The following PRRC2B variants were observed in gnomAD, a reference collection of about 807,000 sequenced individuals.
PRRC2B encodes the protein protein PRRC2B.
PRRC2B carries 68 observed loss-of-function variants against 242.3 expected under a neutral mutation model. The observed-to-expected ratio is 0.28, with a 90% CI of 0.23 to 0.34. The LOEUF is 0.34. Ranked by LOEUF, PRRC2B falls within the 10% of genes least tolerant of loss-of-function variation. PRRC2B has a pLI of 1.00. For synonymous variants in PRRC2B, 1,228 were observed against 1,173.6 expected (o/e 1.05, Z -0.95); for missense variants, 2,835 against 2,954.8 (o/e 0.96, Z 0.94).
rs112509193 is a variant in PRRC2B at position 131,421,695 on chromosome 9, A to G, written c.-51-8399A>G. On this transcript the variant is annotated intron_variant, in intron 1 of 31. Transcript: ENST00000683519. ...ACTATTGTGAGTGGAGGAAAGAGCC[A>G]TGAAATCTCTAGGTGCCCACATGTG... Among the ~76,000 whole-genome samples the G allele has an allele frequency of 8.3e-3, 1,268 of 152,302 alleles. 17 individuals carry two copies. The highest frequency in any genetic ancestry group is 0.027 in the African/African-American group (1,140 of 41,556).
In PRRC2B at chr9:131,436,664, C is replaced by T. The variant is rs769156388; in HGVS notation, c.338C>T (p.Pro113Leu). 31 of 1,613,870 alleles carry T rather than the reference C, an allele frequency of 1.9e-5. No homozygotes were observed. The highest frequency in any genetic ancestry group is 1.6e-4 in the Middle Eastern group (1 of 6,084). ...CAGCCGCCGGAGTCGCTGCCGCAGC[C>T]GGGTTTGCAGAAATCTGTCTCCAAT... is the stretch of plus-strand genomic sequence containing the variant. Reference protein sequence around the residue: ...ASQPPESLPQPGLQKSVSNLQ... With the variant: ...ASQPPESLPQLGLQKSVSNLQ... The change falls in exon 4 of 32, where the codon CCG (proline) becomes CTG (leucine). Residue 113 changes from proline (P) to leucine (L), a missense_variant. Around this residue, in one of 7 missense-constraint regions of PRRC2B, gnomAD observed 626 missense variants for 685.5 expected, o/e 0.91. Coordinates refer to ENST00000683519, the MANE Select transcript of PRRC2B (RefSeq NM_013318.4).
At chr9:131,462,278 T>G (rs1943262783) in intron 11 of PRRC2B, among the ~76,000 whole-genome samples, 1 of 152,148 alleles carries the variant, frequency 6.6e-6, no homozygotes, top group African/African-American at 2.4e-5. Context: ...AGTGGTGTGC[T>G]CTCGGCTCAC....
At chr9:131,377,648 G>T (rs1275406674) in intron 1 of PRRC2B, among the ~76,000 whole-genome samples, 1 of 152,192 alleles carries the variant, frequency 6.6e-6, no homozygotes, top group Non-Finnish European at 1.5e-5. Flanking sequence ...GTCCTGGGAC[G>T]ATGCCTACGG....
intron 1 of PRRC2B, among the ~76,000 whole-genome samples, chr9:131,386,805 GATATATATAATCATATATATATATAAGTC>G (rs1357520508): frequency 2.0e-5 from 3 of 148,676 alleles, no homozygotes; most frequent in Non-Finnish European, 3.0e-5. Context: ...GAACTAGTAG[GATATATATAATCATATATATATATAAGTC>G]ATATATATAT....
chr9:131,476,478 G>T lies in PRRC2B; in HGVS notation c.4349G>T (p.Gly1450Val), dbSNP rs200776745. 8.5e-5 allele frequency: 137 copies of T among 1,612,350 alleles called. No homozygotes were observed. The highest frequency in any genetic ancestry group is 1.1e-4 in the Non-Finnish European group (135 of 1,179,058). Residue 1450 changes from glycine to valine, a missense_variant, in exon 16 of 32, where the codon GGT becomes GTT. Coordinates refer to ENST00000683519, the MANE Select transcript of PRRC2B (RefSeq NM_013318.4). ...GAGAAGCCCGTTAGGCCAGGTGGTG[G>T]TGACACCTCCCCTCGCTATGAGAGC... ...FGEKPVRPGG[G>V]DTSPRYESQQ...
At chr9:131,451,227 G>A (rs547910775) in intron 9 of PRRC2B, among the ~76,000 whole-genome samples, 5 of 152,024 alleles carry the variant, frequency 3.3e-5, no homozygotes, top group Non-Finnish European at 7.4e-5. Flanking sequence ...GTGAAACCCC[G>A]TCTCTGCTAA....
chr9:131,378,617 C>G (rs1836715904), intron 1 of PRRC2B, among the ~76,000 whole-genome samples: 1 of 152,210 alleles, frequency 6.6e-6, no homozygotes, highest in African/African-American at 2.4e-5. Flanking sequence ...CTCCTGTGCT[C>G]TCTTCCATTC....
At chr9:131,409,495 C>G (rs1837451872) in intron 1 of PRRC2B, among the ~76,000 whole-genome samples, 1 of 152,198 alleles carries the variant, frequency 6.6e-6, no homozygotes, top group African/African-American at 2.4e-5. Flanking sequence ...ACATTAGTAT[C>G]TTTTGAATTT....
intron 1 of PRRC2B, among the ~76,000 whole-genome samples, chr9:131,417,296 T>C (rs1458076939): frequency 6.6e-6 from 1 of 152,008 alleles, no homozygotes; most frequent in African/African-American, 2.4e-5. Context: ...GCCACTCAGG[T>C]TCTCTCTTCA....
chr9:131,464,793 C>T lies in PRRC2B; in HGVS notation c.1435C>T (p.Gln479Ter), dbSNP rs1336999542. ...KSSMGSMFRQ[Q>*]SIEDKEDKPP... ...ATCAATGGGCAGCATGTTCCGGCAA[C>T]AGTCCATCGAGGACAAGGAGGACAA... The change falls in exon 12 of 32, where the codon CAG (glutamine) becomes TAG (stop). Residue 479 changes from glutamine to a stop codon, truncating the protein, a stop_gained. Transcript: ENST00000683519. LOFTEE classifies it high-confidence loss of function. 6.2e-7 allele frequency: 1 copy of T among 1,604,796 alleles called. No homozygotes were observed. The highest frequency in any genetic ancestry group is 8.5e-7 in the Non-Finnish European group (1 of 1,173,520).
Position 131,476,467 on chromosome 9 carries a change from G to A in PRRC2B, c.4338G>A (p.Arg1446=). ...EPGGFGEKPV[R]PGGGDTSPRY... ...GAGGGTTTGGGGAGAAGCCCGTTAG[G>A]CCAGGTGGTGGTGACACCTCCCCTC... Residue 1446 remains arginine, a synonymous_variant, in exon 16 of 32, where the codon AGG becomes AGA. Transcript: ENST00000683519. 1 of 1,613,238 alleles carries A rather than the reference G, an allele frequency of 6.2e-7. No individual in the cohort carries two copies. Among genetic ancestry groups the A allele is most frequent in the Non-Finnish European group, 8.5e-7 (1 of 1,179,704 alleles).
intron 19 of PRRC2B, 117 bp downstream of exon 19, chr9:131,479,510 T>C: frequency 9.9e-7 from 1 of 1,006,306 alleles, no homozygotes; most frequent in Non-Finnish European, 1.4e-6. Flanking sequence ...ACAGATGGAG[T>C]ACCTGTTTGC....
chr9:131,387,366 C>G (rs1010283460), intron 1 of PRRC2B, among the ~76,000 whole-genome samples: 1 of 146,146 alleles, frequency 6.8e-6, no homozygotes, highest in Non-Finnish European at 1.5e-5. Context: ...TGGATTGTGC[C>G]CACCAGATTA....
intron 13 of PRRC2B, among the ~76,000 whole-genome samples, chr9:131,468,885 T>C (rs1943465550): frequency 6.6e-6 from 1 of 152,152 alleles, no homozygotes; most frequent in Admixed American, 6.6e-5. Flanking sequence ...TTTTAGAGCA[T>C]GGGAGTGTAG....
At chr9:131,458,445 C>T (rs756609825) in intron 10 of PRRC2B, among the ~76,000 whole-genome samples, 6 of 151,978 alleles carry the variant, frequency 3.9e-5, no homozygotes, top group African/African-American at 9.7e-5. Context: ...CTAACACTAA[C>T]GATAGCTGAT....
At chr9:131,427,362 G>A (rs1043056599) in intron 1 of PRRC2B, among the ~76,000 whole-genome samples, 3 of 151,774 alleles carry the variant, frequency 2.0e-5, no homozygotes. Context: ...ATGGAGTCTT[G>A]CTCTGTTGCC....
intron 1 of PRRC2B, among the ~76,000 whole-genome samples, chr9:131,420,497 T>TCTTTCTTTC (rs72209206): frequency 3.0e-4 from 5 of 16,430 alleles, no homozygotes; most frequent in African/African-American, 7.1e-4. Context: ...TTCTTTCTTT[T>TCTTTCTTTC]TTTTTTTTTT....
chr9:131,475,478 C>A lies in PRRC2B; in HGVS notation c.3349C>A (p.Arg1117=). The part of the protein sequence containing the change: ...GRGRGLREFA[R]PEDCPRAKPR... ...TGGCCGGGGCCTGCGAGAGTTTGCG[C>A]GGCCAGAGGACTGCCCCAGAGCCAA... The change falls in exon 16 of 32, where the codon CGG becomes AGG. Residue 1117 remains arginine, a synonymous_variant. Transcript: ENST00000683519. 3.8e-6 allele frequency: 6 copies of A among 1,591,404 alleles called. No individual in the cohort carries two copies. The African/African-American group carries it at 4.1e-5, about 11-fold the overall frequency.
At chr9:131,477,720 A>G in intron 16 of PRRC2B, 24 bp from the exon 17 acceptor site, 2 of 1,496,992 alleles carry the variant, frequency 1.3e-6, no homozygotes, top group Non-Finnish European at 1.8e-6. Context: ...AGCTCTGGTT[A>G]ACAAGATCCT....
Sources: allele counts gnomAD v4.1 joint callset (sites outside exome capture counted in the v4.1 genomes callset), GRCh38; gene constraint gnomAD v4.1.1; regional missense constraint gnomAD v4.1.1; transcripts MANE v1.5; gene names NCBI Gene and HGNC (gene_info 2026-07-23, HGNC 2026-07-21).